RPS6KC1: variants seen among roughly 807,000 people sequenced by gnomAD.
RPS6KC1 encodes the protein ribosomal protein S6 kinase C1, also known as inactive ribosomal protein S6 kinase delta-1.
A neutral mutation model predicts 103.8 loss-of-function variants in RPS6KC1; 54 were observed. That is an observed-to-expected ratio of 0.52 (90% confidence interval 0.42 to 0.65). The LOEUF (loss-of-function observed/expected upper bound fraction) is 0.65, where lower values mean the gene tolerates loss of function less well. Among genes scored for constraint, RPS6KC1 ranks in the 30% least tolerant of loss-of-function variants. The pLI, the probability that RPS6KC1 is intolerant of heterozygous loss-of-function variation, is 0.00. For synonymous variants in RPS6KC1, 439 were observed against 438.7 expected (o/e 1.00, Z -0.01); for missense variants, 1,151 against 1,253.8 (o/e 0.92, Z 1.24).
At chr1:213,759,861 C>T in the RPS6KC1 span, among the ~76,000 whole-genome samples, 3 of 152,216 alleles carry the variant, frequency 2.0e-5, no homozygotes, top group Admixed American at 2.0e-4. Context: ...TAGCAAGCCC[C>T]CTCCTTCTCC....
chr1:213,854,408 T>A, the RPS6KC1 span, among the ~76,000 whole-genome samples: 4 of 152,342 alleles, frequency 2.6e-5, no homozygotes, highest in Admixed American at 6.5e-5. Flanking sequence ...TTTCTATGAC[T>A]CCATTTGGAG....
At chr1:213,572,927 TTCTC>T in the RPS6KC1 span, among the ~76,000 whole-genome samples, 16 of 152,154 alleles carry the variant, frequency 1.1e-4, no homozygotes, top group African/African-American at 3.9e-4. Context: ...CTGTGTGTGT[TTCTC>T]TCTTTCTCTC....
At chr1:213,591,108 G>A in the RPS6KC1 span, among the ~76,000 whole-genome samples, 5 of 152,256 alleles carry the variant, frequency 3.3e-5, no homozygotes, top group Admixed American at 6.5e-5. Flanking sequence ...GGGCCACCGG[G>A]CACGATGCCT....
chr1:213,119,377 G>T (rs1025628998), intron 5 of RPS6KC1, among the ~76,000 whole-genome samples: 1 of 145,278 alleles, frequency 6.9e-6, no homozygotes, highest in African/African-American at 2.6e-5. Flanking sequence ...AACCATGGGG[G>T]TGGAGGTTGC....
the RPS6KC1 span, among the ~76,000 whole-genome samples, chr1:213,848,277 G>A: frequency 6.6e-6 from 1 of 152,084 alleles, no homozygotes; most frequent in Non-Finnish European, 1.5e-5. Context: ...CAAAATTCAT[G>A]TACACCATAT....
the RPS6KC1 span, among the ~76,000 whole-genome samples, chr1:213,484,630 A>G: frequency 0.047 from 7,195 of 152,318 alleles, 335 homozygotes; most frequent in East Asian, 0.26. Flanking sequence ...CAATCAACCC[A>G]CATTAAAGGA....
chr1:213,760,596 A>T, the RPS6KC1 span, among the ~76,000 whole-genome samples: 2 of 151,540 alleles, frequency 1.3e-5, no homozygotes, highest in African/African-American at 4.9e-5. Context: ...ACACAATTCA[A>T]GATAAATTCG....
the RPS6KC1 span, among the ~76,000 whole-genome samples, chr1:213,331,782 G>A: frequency 6.6e-6 from 1 of 152,134 alleles, no homozygotes; most frequent in African/African-American, 2.4e-5. Flanking sequence ...CAGGGCCTAC[G>A]TCACCCTGCA....
chr1:213,546,272 C>T, the RPS6KC1 span: 1 of 152,188 alleles, frequency 6.6e-6, no homozygotes, highest in Admixed American at 6.5e-5. Context: ...CATGGAGTTT[C>T]CTTTCCATAG....
chr1:213,053,560 G>C (rs183681313), intron 1 of RPS6KC1, among the ~76,000 whole-genome samples: 335 of 152,312 alleles, frequency 2.2e-3, no homozygotes, highest in African/African-American at 7.8e-3. Flanking sequence ...ATACTTAAGT[G>C]TGATATAACA....
the RPS6KC1 span, among the ~76,000 whole-genome samples, chr1:213,798,465 G>A: frequency 2.0e-5 from 3 of 152,222 alleles, no homozygotes; most frequent in Non-Finnish European, 2.9e-5. Context: ...AGCTATAGCA[G>A]GGGCTGGAGG....
the RPS6KC1 span, among the ~76,000 whole-genome samples, chr1:213,776,446 G>A: frequency 2.0e-5 from 3 of 152,196 alleles, no homozygotes; most frequent in Non-Finnish European, 2.9e-5. Flanking sequence ...GGGTGACCAG[G>A]TGCATTGTCA....
At chr1:213,159,316 A>G (rs780338714) in intron 6 of RPS6KC1, among the ~76,000 whole-genome samples, 5 of 152,214 alleles carry the variant, frequency 3.3e-5, no homozygotes, top group Admixed American at 6.5e-5. Flanking sequence ...TTTAATGACA[A>G]AAATGTTTAC....
the RPS6KC1 span, among the ~76,000 whole-genome samples, chr1:213,480,147 G>T: frequency 6.6e-6 from 1 of 151,962 alleles, no homozygotes. Context: ...GAAACATTCT[G>T]TTGGCATTTT....
the RPS6KC1 span, among the ~76,000 whole-genome samples, chr1:213,544,426 A>C: frequency 1.3e-5 from 2 of 152,190 alleles, no homozygotes; most frequent in African/African-American, 4.8e-5. Context: ...GAATTTAAAG[A>C]TACAATGGCT....
chr1:213,103,434 T>A (rs991953384), intron 3 of RPS6KC1, among the ~76,000 whole-genome samples: 1 of 152,174 alleles, frequency 6.6e-6, no homozygotes, highest in Non-Finnish European at 1.5e-5. Context: ...TCCTACATTT[T>A]AAAAATGAGG....
At chr1:213,515,847 T>A in the RPS6KC1 span, among the ~76,000 whole-genome samples, 1 of 152,214 alleles carries the variant, frequency 6.6e-6, no homozygotes, top group Non-Finnish European at 1.5e-5. Context: ...CGATATTGAT[T>A]CTTCCTACCC....
chr1:213,606,493 T>G, the RPS6KC1 span, among the ~76,000 whole-genome samples: 2 of 152,214 alleles, frequency 1.3e-5, no homozygotes, highest in Non-Finnish European at 1.5e-5. Context: ...TTGAAGTTGC[T>G]ATTAGTGTCT....
At chr1:213,628,033 G>A in the RPS6KC1 span, among the ~76,000 whole-genome samples, 4 of 152,160 alleles carry the variant, frequency 2.6e-5, no homozygotes, top group Admixed American at 1.3e-4. Context: ...GTAGAATTCG[G>A]CTGTGAATCC....
Sources: allele counts gnomAD v4.1 joint callset (sites outside exome capture counted in the v4.1 genomes callset), GRCh38; gene constraint gnomAD v4.1.1; transcripts MANE v1.5; gene names NCBI Gene and HGNC (gene_info 2026-07-23, HGNC 2026-07-21).